SPRY4: variants seen among roughly 807,000 people sequenced by gnomAD.
SPRY4 encodes the protein sprouty RTK signaling antagonist 4.
SPRY4 carries 7 observed loss-of-function variants against 17.0 expected under a neutral mutation model. The ratio of observed to expected loss-of-function variants is 0.41; its 90% CI spans 0.23 to 0.77. The LOEUF is 0.77. Ranked by LOEUF, SPRY4 falls within the 30% of genes least tolerant of loss-of-function variation. The pLI is 0.32. For missense variants in SPRY4, 435 were observed against 419.9 expected (o/e 1.04, Z -0.31); for synonymous variants, 183 against 174.1 (o/e 1.05, Z -0.40).
rs749875385 is a variant in SPRY4, at chr5:142,315,016, G to A, written c.93C>T (p.Leu31=). 9 of 1,613,770 alleles carry A rather than the reference G, an allele frequency of 5.6e-6. No individual in the cohort carries two copies. The highest frequency in any genetic ancestry group is 7.6e-6 in the Non-Finnish European group (9 of 1,180,030). The change falls in exon 2 of 2, where the codon CTC becomes CTT. Residue 31 remains leucine (L), a synonymous_variant. Coordinates refer to ENST00000434127, the MANE Select transcript of SPRY4 (RefSeq NM_001127496.3). ...LLDSRMSHSR[L]QHPLTILPID... Reference sequence around the variant, plus strand: ...TGGGTAGGATGGTGAGTGGGTGCTGGAGCCGGCTGTGGGACATCCGGCTGT... The same window carrying A: ...TGGGTAGGATGGTGAGTGGGTGCTGAAGCCGGCTGTGGGACATCCGGCTGT...
At position 142,314,685 on chromosome 5, in the gene SPRY4, C is replaced by T. The variant is rs773671198; in HGVS notation, c.424G>A (p.Asp142Asn). ...QPKVVHCQPL[D>N]LKGPAVPPEL... Reference sequence around the variant, plus strand: ...GGTGGGACCGCCGGGCCCTTGAGGTCCAGCGGCTGGCAGTGGACCACCTTG... The same window carrying T: ...GGTGGGACCGCCGGGCCCTTGAGGTTCAGCGGCTGGCAGTGGACCACCTTG... Residue 142 changes from aspartate to asparagine, a missense_variant, in exon 2 of 2, where the codon GAC becomes AAC. Physicochemically the swap from Asp to Asn is conservative, Grantham distance 23. Transcript: ENST00000434127. This position sits in a 1 kb window ranked among gnomAD's most constrained non-coding sequence, Gnocchi z 4.8. The T allele has an allele frequency of 1.9e-6, 3 of 1,614,172 alleles. No homozygotes were observed. Among genetic ancestry groups the T allele is most frequent in the Non-Finnish European group, 2.5e-6 (3 of 1,180,006 alleles).
intron 1 of SPRY4, among the ~76,000 whole-genome samples, chr5:142,321,044 C>G (rs994153012): frequency 6.6e-6 from 1 of 152,234 alleles, no homozygotes; most frequent in African/African-American, 2.4e-5. Flanking sequence ...CACAGCTGAA[C>G]TGTGGAGCCT....
chr5:142,314,008 C>T lies in SPRY4; in HGVS notation c.*201G>A. On this transcript the variant is annotated 3_prime_UTR_variant, in exon 2 of 2. Coordinates refer to ENST00000434127, the MANE Select transcript of SPRY4 (RefSeq NM_001127496.3). The surrounding 1 kb of genome is among the most constrained non-coding windows in gnomAD (Gnocchi z 4.8). ...AAGTTTCAGGACCCTGAAAAAAAGC[C>T]CCAAAGTGCTTCTTCATCACCTTGG... 1 of 608,724 alleles carries T rather than the reference C, an allele frequency of 1.6e-6. No individual in the cohort carries two copies. Among genetic ancestry groups the T allele is most frequent in the Non-Finnish European group, 2.8e-6 (1 of 353,958 alleles). 37.7% of individuals were successfully genotyped at this position (608,724 alleles called of 1,614,324 possible).
chr5:142,321,700 G>T (rs1017761465), intron 1 of SPRY4, among the ~76,000 whole-genome samples: 1 of 152,140 alleles, frequency 6.6e-6, no homozygotes, highest in Non-Finnish European at 1.5e-5. Context: ...CAAACACTGT[G>T]GATTTAGAAC....
Position 142,314,596 on chromosome 5 carries a change from T to G in SPRY4, c.513A>C (p.Ala171=). 3 of 1,614,214 alleles carry G rather than the reference T, an allele frequency of 1.9e-6. No individual in the cohort carries two copies. Among genetic ancestry groups the G allele is most frequent in the Non-Finnish European group, 2.5e-6 (3 of 1,180,024 alleles). ...ACGKCKCKEC[A]SPRTLPSCWV... ...AGCAGGAAGGCAACGTCCGGGGGGATGCACACTCCTTGCATTTACACTTCC... is the reference window on the plus strand; with the variant it reads ...AGCAGGAAGGCAACGTCCGGGGGGAGGCACACTCCTTGCATTTACACTTCC... Residue 171 remains alanine, a synonymous_variant, in exon 2 of 2, where the codon GCA becomes GCC. Coordinates refer to ENST00000434127, the MANE Select transcript of SPRY4 (RefSeq NM_001127496.3). The surrounding 1 kb of genome is among the most constrained non-coding windows in gnomAD (Gnocchi z 4.8).
rs567170727 is a variant in SPRY4 at position 142,317,339 on chromosome 5, G to A, written c.-47-2184C>T. 1,346 of 985,446 alleles carry A rather than the reference G, an allele frequency of 1.4e-3. 2 individuals are homozygous for A. The highest frequency in any genetic ancestry group is 1.6e-3 in the Non-Finnish European group (1,311 of 829,936). 61.0% of individuals were successfully genotyped at this position (985,446 alleles called of 1,614,324 possible). On this transcript the variant is annotated intron_variant, in intron 1 of 1. Coordinates refer to ENST00000434127, the MANE Select transcript of SPRY4 (RefSeq NM_001127496.3). Reference sequence around the variant, plus strand: ...GAGCCCAAGGTCCAGCACTGAGGACGCTGCCTGGAGGAAAGGGTGTGGCTT... The same window carrying A: ...GAGCCCAAGGTCCAGCACTGAGGACACTGCCTGGAGGAAAGGGTGTGGCTT...
rs937721825 is a variant in SPRY4, at chr5:142,318,116, A to G, written c.-47-2961T>C. 9 of 985,262 alleles carry G rather than the reference A, an allele frequency of 9.1e-6. No individual in the cohort carries two copies. The African/African-American group carries it at 1.4e-4, about 15-fold the overall frequency. The allele number at this position is 985,262 out of a possible 1,614,324, so 61.0% of individuals were successfully genotyped here. On this transcript the variant is annotated intron_variant, in intron 1 of 1. Coordinates refer to ENST00000434127, the MANE Select transcript of SPRY4 (RefSeq NM_001127496.3). ...TTTATGTGGCTGACAAAGGAAAACA[A>G]TTTTCTGAGCTGCCTATTTAAGAAC...
chr5:142,320,812 T>C (rs1759321077), intron 1 of SPRY4, among the ~76,000 whole-genome samples: 1 of 152,084 alleles, frequency 6.6e-6, no homozygotes, highest in African/African-American at 2.4e-5. Context: ...GAACTTACAA[T>C]AATAGATTTT....
intron 1 of SPRY4, among the ~76,000 whole-genome samples, chr5:142,320,711 G>T (rs1223249768): frequency 6.6e-6 from 1 of 152,160 alleles, no homozygotes; most frequent in African/African-American, 2.4e-5. Flanking sequence ...CCAGGTCTGG[G>T]TGGGACCAGA....
At position 142,314,559 on chromosome 5, in the gene SPRY4, G is replaced by T. The variant is rs1353016582; in HGVS notation, c.550C>A (p.Gln184Lys). The T allele has an allele frequency of 6.2e-7, 1 of 1,614,248 alleles. No individual in the cohort carries two copies. The highest frequency in any genetic ancestry group is 1.7e-5 in the Admixed American group (1 of 60,034). The change falls in exon 2 of 2, where the codon CAG (glutamine) becomes AAG (lysine). Residue 184 changes from glutamine to lysine, a missense_variant. Coordinates refer to ENST00000434127, the MANE Select transcript of SPRY4 (RefSeq NM_001127496.3). The surrounding 1 kb of genome is among the most constrained non-coding windows in gnomAD (Gnocchi z 4.8). ...GTCTGGGCTGAGCACAGGCACTCCT[G>T]GTTGCAGACCCAGCAGGAAGGCAAC... ...RTLPSCWVCNQECLCSAQTLV... is the reference protein window; with the variant it reads ...RTLPSCWVCNKECLCSAQTLV...
At chr5:142,322,734 C>T (rs1187997244) in intron 1 of SPRY4, among the ~76,000 whole-genome samples, 3 of 152,144 alleles carry the variant, frequency 2.0e-5, no homozygotes, top group Admixed American at 1.3e-4. Context: ...CCTTTAAAGT[C>T]TGCTCACTGT....
At position 142,313,895 on chromosome 5, in the gene SPRY4, A is replaced by G. The variant is rs1351985073; in HGVS notation, c.*314T>C. 6 of 271,732 alleles carry G rather than the reference A, an allele frequency of 2.2e-5. No homozygotes were observed. The highest frequency in any genetic ancestry group is 4.2e-5 in the Non-Finnish European group (6 of 142,390). The allele number at this position is 271,732 out of a possible 1,614,324, so 16.8% of individuals were successfully genotyped here. A position where few individuals can be genotyped will look rare whatever the true frequency, so the allele number is the denominator to read the frequency against. ...GCATTCAAGCAGCTGCAGTTTCCGG[A>G]TATGTGTCCACATCTGTGTTCTGTC... On this transcript the variant is annotated 3_prime_UTR_variant, in exon 2 of 2. Transcript: ENST00000434127.
At position 142,322,483 on chromosome 5, in the gene SPRY4, A is replaced by AAAAT. The variant is rs79291595; in HGVS notation, c.-48+2360_-48+2361insATTT. On this transcript the variant is annotated intron_variant, in intron 1 of 1. Transcript: ENST00000434127. ...AAGACTCGTCTCAAGAAAAAAAAAAAATATATATATATATATATAAATGAA... is the reference window on the plus strand; with the variant it reads ...AAGACTCGTCTCAAGAAAAAAAAAAAAAATATATATATATATATATATAAATGAA... 3.6e-3 allele frequency among the ~76,000 whole-genome samples: 421 copies of AAAAT among 117,526 alleles called. 1 individual carries two copies. Among genetic ancestry groups the AAAAT allele is most frequent in the Admixed American group, 0.011 (118 of 11,054 alleles). The allele number at this position is 117,526 out of a possible 152,430, so 77.1% of individuals were successfully genotyped here. A position where few individuals can be genotyped will look rare whatever the true frequency, so the allele number is the denominator to read the frequency against.
chr5:142,317,578 G>A (rs1194138139), intron 1 of SPRY4: 1 of 984,832 alleles, frequency 1.0e-6, no homozygotes, highest in South Asian at 4.7e-5. Flanking sequence ...TGGTCATGCT[G>A]TGGAAGAAAG....
At position 142,313,441 on chromosome 5, in the gene SPRY4, C is replaced by T. The variant is rs1759000754; in HGVS notation, c.*768G>A. The T allele has an allele frequency of 6.6e-6, 1 of 152,496 alleles. No individual in the cohort carries two copies. Among genetic ancestry groups the T allele is most frequent in the African/African-American group, 2.4e-5 (1 of 41,382 alleles). The allele number at this position is 152,496 out of a possible 1,614,324, so 9.4% of individuals were successfully genotyped here. On this transcript the variant is annotated 3_prime_UTR_variant, in exon 2 of 2. Transcript: ENST00000434127. ...CAGGACACGTAGTGGGCAGGCGAGT[C>T]TGTGACTCAGTAAGAACCGAAGGAC...
At chr5:142,316,292 A>G (rs1420117211) in intron 1 of SPRY4, among the ~76,000 whole-genome samples, 2 of 152,236 alleles carry the variant, frequency 1.3e-5, no homozygotes, top group East Asian at 3.9e-4. Flanking sequence ...CACTTAAATC[A>G]AAGAGCGGAA....
At chr5:142,317,681 C>G (rs1596869255) in intron 1 of SPRY4, 1 of 982,974 alleles carries the variant, frequency 1.0e-6, no homozygotes, top group East Asian at 1.1e-4. Context: ...ACAGATAAAG[C>G]AAAAGAAATG....
intron 1 of SPRY4, among the ~76,000 whole-genome samples, chr5:142,322,161 C>G (rs1759363311): frequency 6.6e-6 from 1 of 152,184 alleles, no homozygotes; most frequent in Non-Finnish European, 1.5e-5. Context: ...ATCTCTCCGC[C>G]AATTCTGGGA....
chr5:142,313,049 C>G lies in SPRY4; in HGVS notation c.*1160G>C, dbSNP rs935817097. 2 of 152,610 alleles carry G rather than the reference C, an allele frequency of 1.3e-5. No homozygotes were observed. The highest frequency in any genetic ancestry group is 4.8e-5 in the African/African-American group (2 of 41,448). The allele number at this position is 152,610 out of a possible 1,614,324, so 9.5% of individuals were successfully genotyped here. Reference sequence around the variant, plus strand: ...AGGCTATGACAGTGAGCAGCAGAATCAGAAGAGAAGAAACCCAAACCCAGC... The same window carrying G: ...AGGCTATGACAGTGAGCAGCAGAATGAGAAGAGAAGAAACCCAAACCCAGC... On this transcript the variant is annotated 3_prime_UTR_variant, in exon 2 of 2. Coordinates refer to ENST00000434127, the MANE Select transcript of SPRY4 (RefSeq NM_001127496.3).
Sources: gnomAD v4.1 joint callset for allele counts (sites outside exome capture counted in the v4.1 genomes callset) on GRCh38, gnomAD v4.1.1 for gene constraint, Gnocchi (gnomAD v3.1) non-coding constraint, MANE v1.5 for transcripts, NCBI Gene and HGNC (gene_info 2026-07-23, HGNC 2026-07-21) for gene names.